The following FLNC variants were observed in gnomAD, a reference collection of about 807,000 sequenced individuals.
FLNC encodes filamin C, also known as filamin-C.
Under a neutral mutation model 254.3 loss-of-function variants are expected in FLNC, and 91 were observed. The ratio of observed to expected loss-of-function variants is 0.36; its 90% confidence interval spans 0.30 to 0.43. The LOEUF (loss-of-function observed/expected upper bound fraction) is 0.43, where lower values mean the gene tolerates loss of function less well. Among genes scored for constraint, FLNC ranks in the 20% least tolerant of loss-of-function variants. The pLI is 1.00. For synonymous variants in FLNC, 1,430 were observed against 1,577.2 expected (o/e 0.91, Z 2.21); for missense variants, 2,853 against 3,802.6 (o/e 0.75, Z 6.57).
Position 128,849,320 on chromosome 7 carries a change from C to T in FLNC, c.4952-11C>T. ...CCACCAGCTCCCTGAGCAGGATCTC[C>T]CGCATGGCAGGTGCCTGCCTGGGCC... On this transcript the variant is annotated splice_polypyrimidine_tract_variant and intron_variant, in intron 29 of 47. Coordinates refer to ENST00000325888, the MANE Select transcript of FLNC (RefSeq NM_001458.5). 6.2e-7 allele frequency: 1 copy of T among 1,614,120 alleles called. No homozygotes were observed. Among genetic ancestry groups the T allele is most frequent in the Non-Finnish European group, 8.5e-7 (1 of 1,180,036 alleles).
chr7:128,851,564 C>T lies in FLNC; in HGVS notation c.5778C>T (p.Tyr1926=), dbSNP rs770913203. ...VSYLPTAPGD[Y]SIIVRFDDKH... is the part of the protein sequence containing the mutation. ...ATCTGCCGACTGCGCCTGGAGACTA[C>T]AGCATCATCGTGCGCTTCGATGACA... The change falls in exon 35 of 48, where the codon TAC becomes TAT. Residue 1926 remains tyrosine, a synonymous_variant. Transcript: ENST00000325888. 6.2e-7 allele frequency: 1 copy of T among 1,614,020 alleles called. No individual in the cohort carries two copies. Among genetic ancestry groups the T allele is most frequent in the South Asian group, 1.1e-5 (1 of 91,086 alleles).
Position 128,851,642 on chromosome 7 carries a change from A to T in FLNC, c.5842+14A>T, listed in dbSNP as rs1008314073. ...CCAAGATCACAGGTGAGGCGGGTGT[A>T]TGGGCATGTACAGCCCATGAGGCAC... On this transcript the variant is annotated intron_variant, in intron 35 of 47. Transcript: ENST00000325888. The T allele has an allele frequency of 1.9e-6, 3 of 1,613,298 alleles. No homozygotes were observed. The African/African-American group carries it at 4.0e-5, about 22-fold the overall frequency.
In FLNC at chr7:128,851,367, G is replaced by T; in HGVS notation, c.5668+7G>T. 1 of 1,614,090 alleles carries T rather than the reference G, an allele frequency of 6.2e-7. No homozygotes were observed. The highest frequency in any genetic ancestry group is 8.5e-7 in the Non-Finnish European group (1 of 1,180,034). ...ACCAAAGATGCTGGAGAAGGTGAGG[G>T]AGCTGCAGGTCGCAGGCTGGGGTGG... On this transcript the variant is annotated splice_region_variant and intron_variant, in intron 34 of 47. Coordinates refer to ENST00000325888, the MANE Select transcript of FLNC (RefSeq NM_001458.5).
In FLNC at chr7:128,841,636, C is replaced by G; in HGVS notation, c.2121+69C>G. On this transcript the variant is annotated intron_variant, in intron 13 of 47. Transcript: ENST00000325888. The surrounding 1 kb of genome is among the most constrained non-coding windows in gnomAD (Gnocchi z 4.3). ...GGGACCCTGGAAGGCAGGGCCAGGCCAGAGGCAGAGGCCTCCCAGCAGGAA... is the reference window on the plus strand; with the variant it reads ...GGGACCCTGGAAGGCAGGGCCAGGCGAGAGGCAGAGGCCTCCCAGCAGGAA... 9.1e-7 allele frequency: 1 copy of G among 1,102,920 alleles called. No homozygotes were observed. The highest frequency in any genetic ancestry group is 1.5e-5 in the African/African-American group (1 of 65,144). The allele number at this position is 1,102,920 out of a possible 1,614,324, so 68.3% of individuals were successfully genotyped here.
In FLNC at chr7:128,858,792, C is replaced by A; in HGVS notation, c.*269C>A. The A allele has an allele frequency of 1.9e-6, 1 of 540,324 alleles. No homozygotes were observed. Among genetic ancestry groups the A allele is most frequent in the Non-Finnish European group, 3.3e-6 (1 of 298,968 alleles). The allele number at this position is 540,324 out of a possible 1,614,324, so 33.5% of individuals were successfully genotyped here. On this transcript the variant is annotated 3_prime_UTR_variant, in exon 48 of 48. Transcript: ENST00000325888. The surrounding 1 kb of genome is among the most constrained non-coding windows in gnomAD (Gnocchi z 6.7). Reference sequence around the variant, plus strand: ...CCAGGCTCAGGGGCAGAGGCTGGGACACAAGGGGCTGGCGAGGGCTGCGAG... The same window carrying A: ...CCAGGCTCAGGGGCAGAGGCTGGGAAACAAGGGGCTGGCGAGGGCTGCGAG...
At position 128,845,090 on chromosome 7, in the gene FLNC, G is replaced by A. The variant is rs1014203983; in HGVS notation, c.3625G>A (p.Asp1209Asn). ...CGAGGTGCTGATCCACAACAACGCG[G>A]ATGGCACCTACCACATCACCTACAG... ...KAEVLIHNNA[D>N]GTYHITYSPA... The change falls in exon 21 of 48, where the codon GAT becomes AAT. Residue 1209 changes from aspartate (D) to asparagine (N), a missense_variant. Asp to Asn is a conservative substitution (Grantham distance 23). Transcript: ENST00000325888. 3 of 1,613,930 alleles carry A rather than the reference G, an allele frequency of 1.9e-6. No individual in the cohort carries two copies. Among genetic ancestry groups the A allele is most frequent in the East Asian group, 2.2e-5 (1 of 44,886 alleles).
chr7:128,855,237 A>G lies in FLNC; in HGVS notation c.7174A>G (p.Ile2392Val). 1 of 1,613,800 alleles carries G rather than the reference A, an allele frequency of 6.2e-7. No individual in the cohort carries two copies. The highest frequency in any genetic ancestry group is 8.5e-7 in the Non-Finnish European group (1 of 1,179,820). The part of the protein sequence containing the change: ...EVSIKFNDEH[I>V]PDSPFVVPVA... ...CTCCATCAAGTTCAATGATGAGCAC[A>G]TCCCAGACAGCCCCTTTGTGGTGCC... is the stretch of plus-strand genomic sequence containing the variant. Residue 2392 changes from isoleucine to valine, a missense_variant, in exon 43 of 48, where the codon ATC becomes GTC. Physicochemically the swap from Ile to Val is conservative, Grantham distance 29. This residue lies in a region of FLNC where 551 missense variants were observed against 835.0 expected (regional missense o/e 0.66). Transcript: ENST00000325888.
Position 128,837,249 on chromosome 7 carries a change from G to A in FLNC, c.691G>A (p.Val231Met). The A allele has an allele frequency of 6.3e-7, 1 of 1,577,104 alleles. No homozygotes were observed. The highest frequency in any genetic ancestry group is 8.6e-7 in the Non-Finnish European group (1 of 1,161,774). ...GCAGCAGGCCGACGACTGGCTTGGG[G>A]TGCCCCAGGTACATGCGCAGATGGG... ...AMQQADDWLG[V>M]PQVIAPEEIV... Residue 231 changes from valine (V) to methionine (M), a missense_variant, in exon 3 of 48, where the codon GTG (valine) becomes ATG (methionine). Physicochemically the swap from Val to Met is conservative, Grantham distance 21. Transcript: ENST00000325888.
Position 128,854,099 on chromosome 7 carries a change from G to A in FLNC, c.6610G>A (p.Glu2204Lys), listed in dbSNP as rs1476564683. The change falls in exon 40 of 48, where the codon GAG (glutamate) becomes AAG (lysine). Residue 2204 changes from glutamate (E) to lysine (K), a missense_variant. Physicochemically the swap from Glu to Lys is moderately conservative, Grantham distance 56 (BLOSUM62 1). Around this residue, in one of 10 missense-constraint regions of FLNC, gnomAD observed 551 missense variants for 835.0 expected, o/e 0.66. Transcript: ENST00000325888. ...SKTRGGETKR[E>K]VRVEESTQVG... ...GACGCGGGGCGGGGAGACAAAGCGC[G>A]AGGTGCGGGTGGAGGAGTCCACCCA... The A allele has an allele frequency of 1.2e-6, 2 of 1,612,890 alleles. No individual in the cohort carries two copies. Among genetic ancestry groups the A allele is most frequent in the Admixed American group, 1.7e-5 (1 of 59,994 alleles).
Position 128,838,670 on chromosome 7 carries a change from G to A in FLNC, c.1278G>A (p.Val426=). The change falls in exon 8 of 48, where the codon GTG becomes GTA. Residue 426 remains valine, a synonymous_variant. Coordinates refer to ENST00000325888, the MANE Select transcript of FLNC (RefSeq NM_001458.5). ...DPQGRRDTVE[V]ALEDKGDSTF... ...AGGGCCGGCGGGACACAGTGGAGGT[G>A]GCCCTGGAGGACAAGGGTGACAGCA... The A allele has an allele frequency of 1.9e-6, 3 of 1,613,102 alleles. No homozygotes were observed. The highest frequency in any genetic ancestry group is 2.2e-5 in the East Asian group (1 of 44,878).
In FLNC at chr7:128,844,759, C is replaced by T. The variant is rs753772262; in HGVS notation, c.3294C>T (p.Thr1098=). ...CTGGCACAGGTGGCCTGGGGCTGAC[C>T]GTAGAGGGCCCCTGCGAGGCCAAGA... ...KGAGTGGLGL[T]VEGPCEAKIE... The change falls in exon 21 of 48, where the codon ACC becomes ACT. Residue 1098 remains threonine, a synonymous_variant. Coordinates refer to ENST00000325888, the MANE Select transcript of FLNC (RefSeq NM_001458.5). 21 of 1,613,886 alleles carry T rather than the reference C, an allele frequency of 1.3e-5. No individual in the cohort carries two copies. The highest frequency in any genetic ancestry group is 6.7e-5 in the East Asian group (3 of 44,900).
In FLNC at chr7:128,841,517, A is replaced by G; in HGVS notation, c.2071A>G (p.Thr691Ala). Residue 691 changes from threonine (T) to alanine (A), a missense_variant, in exon 13 of 48, where the codon ACC (threonine) becomes GCC (alanine). Physicochemically the swap from Thr to Ala is moderately conservative, Grantham distance 58. Around this residue, in one of 10 missense-constraint regions of FLNC, gnomAD observed 1,573 missense variants for 1,883.5 expected, o/e 0.84. Coordinates refer to ENST00000325888, the MANE Select transcript of FLNC (RefSeq NM_001458.5). This position sits in a 1 kb window ranked among gnomAD's most constrained non-coding sequence, Gnocchi z 4.3. ...GCIVDKPAEFTIDARAAGKGD... is the reference protein window; with the variant it reads ...GCIVDKPAEFAIDARAAGKGD... ...CATCGTGGACAAGCCCGCTGAGTTC[A>G]CCATTGATGCTCGTGCAGCTGGCAA... The G allele has an allele frequency of 1.2e-6, 2 of 1,614,158 alleles. No individual in the cohort carries two copies. The highest frequency in any genetic ancestry group is 1.7e-6 in the Non-Finnish European group (2 of 1,180,014).
chr7:128,842,091 T>C lies in FLNC; in HGVS notation c.2122-140T>C, dbSNP rs1808355024. 8.0e-6 allele frequency: 7 copies of C among 870,410 alleles called. No individual in the cohort carries two copies. The highest frequency in any genetic ancestry group is 5.5e-6 in the Non-Finnish European group (3 of 545,360). The allele number at this position is 870,410 out of a possible 1,614,324, so 53.9% of individuals were successfully genotyped here. A position where few individuals can be genotyped will look rare whatever the true frequency, so the allele number is the denominator to read the frequency against. ...GCCGCCAGAGCACGTGGCCCTGGGCTCTGGTGGCCTCAGTGGCTGGTGTGG... is the reference window on the plus strand; with the variant it reads ...GCCGCCAGAGCACGTGGCCCTGGGCCCTGGTGGCCTCAGTGGCTGGTGTGG... On this transcript the variant is annotated intron_variant, in intron 13 of 47. Coordinates refer to ENST00000325888, the MANE Select transcript of FLNC (RefSeq NM_001458.5). The surrounding 1 kb of genome is among the most constrained non-coding windows in gnomAD (Gnocchi z 5.4).
At chr7:128,834,321 C>CCCTCCG (rs1338939500) in intron 1 of FLNC, among the ~76,000 whole-genome samples, 1 of 146,824 alleles carries the variant, frequency 6.8e-6, no homozygotes, top group African/African-American at 2.7e-5. Context: ...GCCCCCCCCC[C>CCCTCCG]CCAAATCTTG....
intron 21 of FLNC, 42 bp from the exon 22 acceptor site, chr7:128,845,948 G>A (rs1255072158): frequency 1.3e-6 from 2 of 1,599,906 alleles, no homozygotes; most frequent in Non-Finnish European, 1.7e-6. Flanking sequence ...CTGTGTGAAG[G>A]CTGCCCCCAC....
Position 128,842,906 on chromosome 7 carries a change from G to A in FLNC, c.2502G>A (p.Thr834=), listed in dbSNP as rs984526805. ...NDNDTFTVKY[T]PPGAGRYTIM... The stretch of plus-strand genomic sequence containing the variant: ...ACGACACCTTCACCGTCAAGTACAC[G>A]CCACCAGGGGCGGGCCGCTACACCA... The change falls in exon 16 of 48, where the codon ACG becomes ACA. Residue 834 remains threonine (T), a synonymous_variant. Coordinates refer to ENST00000325888, the MANE Select transcript of FLNC (RefSeq NM_001458.5). This position sits in a 1 kb window ranked among gnomAD's most constrained non-coding sequence, Gnocchi z 5.4. The A allele has an allele frequency of 8.7e-6, 14 of 1,613,840 alleles. No homozygotes were observed. Among genetic ancestry groups the A allele is most frequent in the Middle Eastern group, 1.6e-4 (1 of 6,084 alleles).
Position 128,856,797 on chromosome 7 carries a change from T to C in FLNC, c.7437T>C (p.Asp2479=), listed in dbSNP as rs1390623169. 10 of 1,613,986 alleles carry C rather than the reference T, an allele frequency of 6.2e-6. No individual in the cohort carries two copies. The Admixed American group carries it at 1.5e-4, about 24-fold the overall frequency. Residue 2479 remains aspartate, a synonymous_variant, in exon 45 of 48, where the codon GAT becomes GAC. Coordinates refer to ENST00000325888, the MANE Select transcript of FLNC (RefSeq NM_001458.5). This position sits in a 1 kb window ranked among gnomAD's most constrained non-coding sequence, Gnocchi z 5.9. The part of the protein sequence containing the change: ...IPHENGVHSI[D]VKFNGAHIPG... ...ACGAGAATGGCGTCCACTCCATCGA[T>C]GTCAAGTTCAACGGTGCCCACATCC...
Position 128,830,866 on chromosome 7 carries a change from C to A in FLNC, c.229C>A (p.Leu77Ile). 6.2e-7 allele frequency: 1 copy of A among 1,613,184 alleles called. No individual in the cohort carries two copies. The highest frequency in any genetic ancestry group is 8.5e-7 in the Non-Finnish European group (1 of 1,179,970). Residue 77 changes from leucine (L) to isoleucine (I), a missense_variant, in exon 1 of 48, where the codon CTC becomes ATC. Leu to Ile is a conservative substitution (Grantham distance 5). This residue lies in a region of FLNC where 59 missense variants were observed against 59.8 expected (regional missense o/e 0.99). Transcript: ENST00000325888. ...GLRLIALLEV[L>I]SQKRMYRKFH... ...CCGGCTCATCGCGCTGCTCGAGGTGCTCAGCCAGAAGCGCATGTACCGCAA... is the reference window on the plus strand; with the variant it reads ...CCGGCTCATCGCGCTGCTCGAGGTGATCAGCCAGAAGCGCATGTACCGCAA...
At position 128,854,197 on chromosome 7, in the gene FLNC, C is replaced by T. The variant is rs757805510; in HGVS notation, c.6708C>T (p.Ser2236=). The change falls in exon 40 of 48, where the codon AGC becomes AGT. Residue 2236 remains serine, a synonymous_variant. Coordinates refer to ENST00000325888, the MANE Select transcript of FLNC (RefSeq NM_001458.5). ...LGRERLGSFG[S]ITRQQEGEAS... ...GGGAGCGCCTGGGATCCTTCGGCAGCATCACCCGGCAGCAGGAGGGTGAGC... is the reference window on the plus strand; with the variant it reads ...GGGAGCGCCTGGGATCCTTCGGCAGTATCACCCGGCAGCAGGAGGGTGAGC... 3.0e-5 allele frequency: 48 copies of T among 1,607,794 alleles called. No homozygotes were observed. The East Asian group carries it at 1.0e-3, about 35-fold the overall frequency.
Sources: gnomAD v4.1 joint callset for allele counts (sites outside exome capture counted in the v4.1 genomes callset) on GRCh38, gnomAD v4.1.1 for gene constraint, gnomAD v4.1.1 regional missense constraint, Gnocchi (gnomAD v3.1) non-coding constraint, MANE v1.5 for transcripts, NCBI Gene and HGNC (gene_info 2026-07-23, HGNC 2026-07-21) for gene names.